The following RSRC1 variants were observed in gnomAD, a reference collection of about 807,000 sequenced individuals.
RSRC1 encodes the protein arginine and serine rich coiled-coil 1.
In RSRC1, 39 loss-of-function variants were observed where a neutral mutation model predicts 49.1. That is an observed-to-expected ratio of 0.79 (90% CI 0.61 to 1.04). RSRC1 has a LOEUF of 1.04. Ranked by LOEUF, RSRC1 falls within the 50% of genes least tolerant of loss-of-function variation. RSRC1 has a pLI of 0.00. For synonymous variants in RSRC1, 143 were observed against 130.8 expected (o/e 1.09, Z -0.63); for missense variants, 388 against 402.4 (o/e 0.96, Z 0.31).
chr3:158,437,610 C>T (rs995485468), intron 6 of RSRC1, among the ~76,000 whole-genome samples: 8 of 152,140 alleles, frequency 5.3e-5, no homozygotes, highest in Admixed American at 4.6e-4. Flanking sequence ...TAAAATTCAA[C>T]AGCTCTTCAT....
chr3:158,490,011 G>A (rs1158310666), intron 7 of RSRC1, among the ~76,000 whole-genome samples: 1 of 152,140 alleles, frequency 6.6e-6, no homozygotes, highest in Non-Finnish European at 1.5e-5. Context: ...AACTGAACTG[G>A]TTACAATGTA....
At chr3:158,508,534 C>T (rs1332304038) in intron 7 of RSRC1, among the ~76,000 whole-genome samples, 1 of 151,830 alleles carries the variant, frequency 6.6e-6, no homozygotes, top group Non-Finnish European at 1.5e-5. Flanking sequence ...TGTAGTCGCC[C>T]CCCGCCCTTA....
At chr3:158,316,789 G>C (rs1159381423) in intron 5 of RSRC1, among the ~76,000 whole-genome samples, 1 of 152,100 alleles carries the variant, frequency 6.6e-6, no homozygotes, top group East Asian at 1.9e-4. Flanking sequence ...TGTTTGGCCT[G>C]CTCTTGGTGC....
chr3:158,131,162 T>C (rs1035510555), intron 3 of RSRC1, among the ~76,000 whole-genome samples: 1 of 151,672 alleles, frequency 6.6e-6, no homozygotes, highest in Non-Finnish European at 1.5e-5. Flanking sequence ...ATTTTTATTA[T>C]ACTTTAAGTT....
intron 7 of RSRC1, among the ~76,000 whole-genome samples, chr3:158,513,851 G>A (rs532824932): frequency 1.3e-5 from 2 of 152,366 alleles, no homozygotes; most frequent in East Asian, 3.9e-4. Context: ...TCTTGGGAGA[G>A]TGTATGTGTC....
intron 5 of RSRC1, among the ~76,000 whole-genome samples, chr3:158,345,176 G>A (rs897848705): frequency 1.3e-5 from 2 of 151,668 alleles, no homozygotes; most frequent in South Asian, 2.1e-4. Flanking sequence ...GCAGTGAGCC[G>A]AGATTGTGCC....
At position 158,411,267 on chromosome 3, in the gene RSRC1, A is replaced by G. The variant is rs545504517; in HGVS notation, c.584-49668A>G. ...TAAGGCTGCTTTGAACATTCTTGAAAATGTCTGTGTCCTGGCACAGGTTGA... is the reference window on the plus strand; with the variant it reads ...TAAGGCTGCTTTGAACATTCTTGAAGATGTCTGTGTCCTGGCACAGGTTGA... On this transcript the variant is annotated intron_variant, in intron 6 of 9. Coordinates refer to ENST00000611884, the MANE Select transcript of RSRC1 (RefSeq NM_001271838.2). 1.2e-4 allele frequency among the ~76,000 whole-genome samples: 19 copies of G among 152,150 alleles called. No individual in the cohort carries two copies. The South Asian group carries it at 3.7e-3, about 30-fold the overall frequency.
At chr3:158,420,461 T>G (rs1473514232) in intron 6 of RSRC1, among the ~76,000 whole-genome samples, 1 of 151,932 alleles carries the variant, frequency 6.6e-6, no homozygotes, top group Non-Finnish European at 1.5e-5. Context: ...ATTACTATTC[T>G]GAGAGAAATA....
At chr3:158,480,306 C>A (rs1026509884) in intron 7 of RSRC1, among the ~76,000 whole-genome samples, 1 of 151,588 alleles carries the variant, frequency 6.6e-6, no homozygotes, top group Admixed American at 6.6e-5. Context: ...GAATAAGAAG[C>A]CCTAAAGTTC....
At chr3:158,139,372 C>T (rs1236543014) in intron 3 of RSRC1, among the ~76,000 whole-genome samples, 2 of 152,066 alleles carry the variant, frequency 1.3e-5, no homozygotes, top group East Asian at 3.9e-4. Context: ...CGCCACTGCA[C>T]TCCAGTCCGG....
chr3:158,166,177 A>G (rs1221530361), intron 3 of RSRC1, among the ~76,000 whole-genome samples: 2 of 152,200 alleles, frequency 1.3e-5, no homozygotes, highest in Non-Finnish European at 2.9e-5. Context: ...TTTACTTTTA[A>G]AAGTTTCTTA....
At chr3:158,145,917 G>GAT (rs1433626093) in intron 3 of RSRC1, among the ~76,000 whole-genome samples, 1 of 151,540 alleles carries the variant, frequency 6.6e-6, no homozygotes, top group African/African-American at 2.4e-5. Context: ...GTTCACTCAT[G>GAT]TGGCTCTCTG....
chr3:158,182,164 T>A (rs1370294204), intron 3 of RSRC1, among the ~76,000 whole-genome samples: 2 of 152,006 alleles, frequency 1.3e-5, no homozygotes, highest in African/African-American at 4.8e-5. Context: ...AGCAAAGATA[T>A]GAAGGAGGTG....
chr3:158,545,686 A>G lies in RSRC1; in HGVS notation c.*1411A>G, dbSNP rs1285950790. The G allele has an allele frequency of 1.3e-5, 2 of 152,164 alleles. No homozygotes were observed. The highest frequency in any genetic ancestry group is 6.5e-5 in the Admixed American group (1 of 15,274). The allele number at this position is 152,164 out of a possible 1,614,324, so 9.4% of individuals were successfully genotyped here. On this transcript the variant is annotated 3_prime_UTR_variant, in exon 10 of 10. Coordinates refer to ENST00000611884, the MANE Select transcript of RSRC1 (RefSeq NM_001271838.2). ...TGCTTTCCCATTCTAAATAGATGCT[A>G]GTTTTCTTTTTTCCTTGGCTGTAAA...
intron 4 of RSRC1, among the ~76,000 whole-genome samples, chr3:158,221,882 TGTG>T (rs1419317523): frequency 6.6e-6 from 1 of 151,546 alleles, no homozygotes; most frequent in Non-Finnish European, 1.5e-5. Context: ...AACATAAAAA[TGTG>T]GAGAGATTCG....
At chr3:158,111,075 G>T (rs1442816067) in intron 1 of RSRC1, among the ~76,000 whole-genome samples, 1 of 152,134 alleles carries the variant, frequency 6.6e-6, no homozygotes, top group Non-Finnish European at 1.5e-5. Flanking sequence ...GTCTTATGTT[G>T]TCACAAGAAA....
At chr3:158,289,011 AT>A (rs1351872378) in intron 4 of RSRC1, among the ~76,000 whole-genome samples, 2 of 151,878 alleles carry the variant, frequency 1.3e-5, no homozygotes, top group African/African-American at 4.8e-5. Flanking sequence ...TTATGTTGTT[AT>A]TGTTTTTATT....
intron 6 of RSRC1, among the ~76,000 whole-genome samples, chr3:158,453,277 G>A (rs1268455604): frequency 1.3e-5 from 2 of 148,932 alleles, no homozygotes; most frequent in African/African-American, 2.6e-5. Flanking sequence ...AAACTCTTGT[G>A]CACACATATC....
chr3:158,448,376 A>G (rs1736839151), intron 6 of RSRC1, among the ~76,000 whole-genome samples: 1 of 151,816 alleles, frequency 6.6e-6, no homozygotes, highest in African/African-American at 2.4e-5. Context: ...CAGTTTATTC[A>G]GGTTATAAAA....
Sources: allele counts gnomAD v4.1 joint callset (sites outside exome capture counted in the v4.1 genomes callset), GRCh38; gene constraint gnomAD v4.1.1; transcripts MANE v1.5; gene names NCBI Gene and HGNC (gene_info 2026-07-23, HGNC 2026-07-21).